The following ZNF547 variants were observed in gnomAD, a reference collection of about 807,000 sequenced individuals.
The protein encoded by ZNF547 is zinc finger protein 547.
Under a neutral mutation model 7.7 loss-of-function variants are expected in ZNF547, and 4 were observed. That is an observed-to-expected ratio of 0.52 (90% confidence interval 0.26 to 1.20). The LOEUF is 1.20. Ranked by LOEUF, ZNF547 falls within the 50% of genes most tolerant of loss-of-function variation. ZNF547 has a pLI of 0.14. For missense variants in ZNF547, 449 were observed against 485.8 expected (o/e 0.92, Z 0.71); for synonymous variants, 166 against 166.2 (o/e 1.00, Z 0.01).
chr19:57,371,377 C>T (rs973189719), intron 2 of ZNF547, among the ~76,000 whole-genome samples: 7 of 152,228 alleles, frequency 4.6e-5, no homozygotes, highest in Admixed American at 1.3e-4. Flanking sequence ...CAGGGCCACA[C>T]GGTGAAACAC....
At chr19:57,365,955 C>G (rs2088466219) in intron 1 of ZNF547, among the ~76,000 whole-genome samples, 2 of 151,150 alleles carry the variant, frequency 1.3e-5, no homozygotes, top group Non-Finnish European at 2.9e-5. Flanking sequence ...ACCTCCACCT[C>G]CCGGGTTCAA....
chr19:57,372,692 C>A (rs1003069397), intron 3 of ZNF547, among the ~76,000 whole-genome samples: 2 of 152,236 alleles, frequency 1.3e-5, no homozygotes, highest in East Asian at 3.9e-4. Flanking sequence ...GACTTCTAAT[C>A]CCTGGCTTCC....
chr19:57,366,048 A>T (rs1029009071), intron 1 of ZNF547, among the ~76,000 whole-genome samples: 3 of 149,248 alleles, frequency 2.0e-5, no homozygotes, highest in African/African-American at 7.4e-5. Context: ...TATTTTTAGT[A>T]AAGACGGGAT....
chr19:57,374,192 C>G (rs900314493), intron 3 of ZNF547, among the ~76,000 whole-genome samples: 5 of 152,246 alleles, frequency 3.3e-5, no homozygotes, highest in African/African-American at 9.6e-5. Context: ...AGGCCCAACA[C>G]CATGTGCAAG....
At chr19:57,364,371 C>G (rs974128688) in intron 1 of ZNF547, 11 of 168,200 alleles carry the variant, frequency 6.5e-5, no homozygotes, top group Non-Finnish European at 6.5e-5. Flanking sequence ...TCAGGCGTCT[C>G]AAGTTGAAAA....
At chr19:57,370,134 ATCC>A (rs1490911815) in intron 2 of ZNF547, among the ~76,000 whole-genome samples, 1 of 151,786 alleles carries the variant, frequency 6.6e-6, no homozygotes, top group South Asian at 2.1e-4. Flanking sequence ...CTCGTGATCC[ATCC>A]TCCTCAGCCT....
In ZNF547 at chr19:57,379,008, G is replaced by A; in HGVS notation, c.*823G>A. ...AAAGTTCATTCATTTTTTAGCATGT[G>A]TCAGAAATTTTAAGGCTGAGCAATA... is the stretch of plus-strand genomic sequence containing the variant. On this transcript the variant is annotated 3_prime_UTR_variant, in exon 4 of 4. Transcript: ENST00000282282. 5.7e-6 allele frequency: 1 copy of A among 174,048 alleles called. No homozygotes were observed. The highest frequency in any genetic ancestry group is 1.2e-5 in the Non-Finnish European group (1 of 81,390). The allele number at this position is 174,048 out of a possible 1,614,324, so 10.8% of individuals were successfully genotyped here.
In ZNF547 at chr19:57,377,838, A is replaced by G. The variant is rs748098501; in HGVS notation, c.862A>G (p.Arg288Gly). 1 of 1,614,184 alleles carries G rather than the reference A, an allele frequency of 6.2e-7. No individual in the cohort carries two copies. Among genetic ancestry groups the G allele is most frequent in the Non-Finnish European group, 8.5e-7 (1 of 1,180,024 alleles). The change falls in exon 4 of 4, where the codon AGA becomes GGA. Residue 288 changes from arginine to glycine, a missense_variant. By Grantham distance (125) the Arg-to-Gly change is moderately radical (BLOSUM62 -2). Coordinates refer to ENST00000282282, the MANE Select transcript of ZNF547 (RefSeq NM_173631.4). ...KCNSNLFRHYRIHTGKRSYGC... is the reference protein window; with the variant it reads ...KCNSNLFRHYGIHTGKRSYGC... ...CAACTCAAACCTCTTTAGGCATTACAGAATTCATACAGGAAAAAGGTCTTA... is the reference window on the plus strand; with the variant it reads ...CAACTCAAACCTCTTTAGGCATTACGGAATTCATACAGGAAAAAGGTCTTA...
At chr19:57,368,638 C>G in intron 2 of ZNF547, 59 bp downstream of exon 2, 1 of 1,567,038 alleles carries the variant, frequency 6.4e-7, no homozygotes, top group African/African-American at 1.4e-5. Context: ...GTTTTGGCAC[C>G]TCCATGTAAA....
Position 57,378,227 on chromosome 19 carries a change from C to T in ZNF547, c.*42C>T. On this transcript the variant is annotated 3_prime_UTR_variant, in exon 4 of 4. Coordinates refer to ENST00000282282, the MANE Select transcript of ZNF547 (RefSeq NM_173631.4). ...GTGGATATGGGAAAGCCTTCAGTCACCAACATATTGTGGCTGGACAGCAGG... is the reference window on the plus strand; with the variant it reads ...GTGGATATGGGAAAGCCTTCAGTCATCAACATATTGTGGCTGGACAGCAGG... The T allele has an allele frequency of 6.5e-7, 1 of 1,550,224 alleles. No homozygotes were observed. Among genetic ancestry groups the T allele is most frequent in the African/African-American group, 1.4e-5 (1 of 73,688 alleles).
At chr19:57,372,977 G>A (rs2088515584) in intron 3 of ZNF547, among the ~76,000 whole-genome samples, 2 of 152,254 alleles carry the variant, frequency 1.3e-5, no homozygotes, top group South Asian at 4.1e-4. Context: ...CCATCATCAG[G>A]GCTCTCCCAT....
chr19:57,366,546 T>A (rs1345646548), intron 1 of ZNF547, among the ~76,000 whole-genome samples: 1 of 104,800 alleles, frequency 9.5e-6, no homozygotes, highest in South Asian at 3.1e-4. Flanking sequence ...TCAGATAAAT[T>A]GTTTTTTTTT....
At position 57,378,732 on chromosome 19, in the gene ZNF547, TAACTA is replaced by T. The variant is rs1437305170; in HGVS notation, c.*548_*552del. The T allele has an allele frequency of 4.7e-6, 2 of 425,426 alleles. No individual in the cohort carries two copies. The highest frequency in any genetic ancestry group is 4.6e-6 in the Non-Finnish European group (1 of 217,048). The allele number at this position is 425,426 out of a possible 1,614,324, so 26.4% of individuals were successfully genotyped here. ...ACATGCCACATAAAATTTGCCATCTTAACTATTGTAATGTCTTGTTTAATACTTGA... is the reference window on the plus strand; with the variant it reads ...ACATGCCACATAAAATTTGCCATCTTTTGTAATGTCTTGTTTAATACTTGA... On this transcript the variant is annotated 3_prime_UTR_variant, in exon 4 of 4. Coordinates refer to ENST00000282282, the MANE Select transcript of ZNF547 (RefSeq NM_173631.4).
chr19:57,371,935 C>T, intron 3 of ZNF547, 27 bp downstream of exon 3: 1 of 1,567,350 alleles, frequency 6.4e-7, no homozygotes. Context: ...TGCCCAGTGT[C>T]CTGGGTTGGG....
At position 57,378,755 on chromosome 19, in the gene ZNF547, A is replaced by G. The variant is rs1171546566; in HGVS notation, c.*570A>G. ...CTTAACTATTGTAATGTCTTGTTTA[A>G]TACTTGAAGTACATTAACATTGTTG... On this transcript the variant is annotated 3_prime_UTR_variant, in exon 4 of 4. Transcript: ENST00000282282. The G allele has an allele frequency of 1.3e-5, 6 of 445,824 alleles. No individual in the cohort carries two copies. The highest frequency in any genetic ancestry group is 2.7e-5 in the Non-Finnish European group (6 of 225,032). 27.6% of individuals were successfully genotyped at this position (445,824 alleles called of 1,614,324 possible). A position where few individuals can be genotyped will look rare whatever the true frequency, so the allele number is the denominator to read the frequency against.
At position 57,378,306 on chromosome 19, in the gene ZNF547, A is replaced by G. The variant is rs1216759709; in HGVS notation, c.*121A>G. The G allele has an allele frequency of 1.1e-6, 1 of 876,030 alleles. No homozygotes were observed. Among genetic ancestry groups the G allele is most frequent in the East Asian group, 2.6e-5 (1 of 39,190 alleles). 54.3% of individuals were successfully genotyped at this position (876,030 alleles called of 1,614,324 possible). On this transcript the variant is annotated 3_prime_UTR_variant, in exon 4 of 4. Transcript: ENST00000282282. The stretch of plus-strand genomic sequence containing the variant: ...CGTGAACGTGGGTAATTATGTAGGT[A>G]CAGCTCTCCAGTCGCTATGTATCAG...
intron 2 of ZNF547, 170 bp from the exon 3 acceptor site, chr19:57,371,612 G>T (rs1178351042): frequency 2.0e-6 from 2 of 1,022,134 alleles, no homozygotes; most frequent in Non-Finnish European, 2.8e-6. Context: ...GTTAGAGATG[G>T]AGATGGTTAA....
chr19:57,371,501 G>T, intron 2 of ZNF547: 1 of 343,976 alleles, frequency 2.9e-6, no homozygotes, highest in African/African-American at 2.1e-5. Flanking sequence ...GCTAGTTTTA[G>T]TAATTCCAGG....
intron 2 of ZNF547, among the ~76,000 whole-genome samples, chr19:57,370,583 C>T (rs1345340683): frequency 6.6e-6 from 1 of 152,066 alleles, no homozygotes; most frequent in Admixed American, 6.5e-5. Flanking sequence ...GAGTGATGTG[C>T]AGGCAGGAGG....
Sources: gnomAD v4.1 joint callset for allele counts (sites outside exome capture counted in the v4.1 genomes callset) on GRCh38, gnomAD v4.1.1 for gene constraint, MANE v1.5 for transcripts, NCBI Gene and HGNC (gene_info 2026-07-23, HGNC 2026-07-21) for gene names.